GABRB3: variants seen among roughly 807,000 people sequenced by gnomAD.
The protein encoded by GABRB3 is gamma-aminobutyric acid receptor subunit beta-3.
GABRB3 carries 14 observed loss-of-function variants against 52.1 expected under a neutral mutation model. The ratio of observed to expected loss-of-function variants is 0.27; its 90% CI spans 0.18 to 0.42. The LOEUF is 0.42. Ranked by LOEUF, GABRB3 falls within the 10% of genes least tolerant of loss-of-function variation. The pLI is 1.00. For missense variants in GABRB3, 307 were observed against 609.1 expected (o/e 0.50, Z 5.22); for synonymous variants, 260 against 232.3 (o/e 1.12, Z -1.08).
intron 3 of GABRB3, among the ~76,000 whole-genome samples, chr15:26,763,639 C>CACACACACACACACACACACACACA (rs368390366): frequency 6.7e-6 from 1 of 148,274 alleles, no homozygotes; most frequent in Non-Finnish European, 1.5e-5. Flanking sequence ...CACACACACA[C>CACACACACACACACACACACACACA]CATGGAATAA....
chr15:26,688,186 C>T (rs565108762), intron 3 of GABRB3, among the ~76,000 whole-genome samples: 12 of 152,298 alleles, frequency 7.9e-5, no homozygotes, highest in African/African-American at 2.9e-4. Context: ...CTTTTTCTCC[C>T]TCCAAGTCCT....
At chr15:26,562,834 G>A (rs1468016621) in intron 7 of GABRB3, among the ~76,000 whole-genome samples, 1 of 64,864 alleles carries the variant, frequency 1.5e-5, no homozygotes, top group Non-Finnish European at 3.3e-5. Context: ...CTGAAGACTT[G>A]AGAAACTCTT....
chr15:26,711,890 A>G (rs1331704565), intron 3 of GABRB3, among the ~76,000 whole-genome samples: 2 of 152,252 alleles, frequency 1.3e-5, no homozygotes, highest in Non-Finnish European at 2.9e-5. Context: ...GAGGGACTGC[A>G]TGGAGAGGAA....
At chr15:26,597,886 T>C (rs1342682130) in intron 4 of GABRB3, among the ~76,000 whole-genome samples, 2 of 152,214 alleles carry the variant, frequency 1.3e-5, no homozygotes. Flanking sequence ...TAATTTATCA[T>C]ACTGGGTAGG....
intron 3 of GABRB3, among the ~76,000 whole-genome samples, chr15:26,650,900 C>T (rs12439992): frequency 0.53 from 80,254 of 151,858 alleles, 22,167 homozygotes; most frequent in East Asian, 0.95. Context: ...GGCCTGCCCT[C>T]CCTGTCCCCT....
intron 3 of GABRB3, among the ~76,000 whole-genome samples, chr15:26,718,096 G>C (rs1426890976): frequency 6.6e-6 from 1 of 152,332 alleles, no homozygotes; most frequent in African/African-American, 2.4e-5. Context: ...TCTGGAAGCT[G>C]TTGGTCCTGC....
chr15:26,551,397 T>G (rs1026430935), intron 8 of GABRB3, among the ~76,000 whole-genome samples: 4 of 152,200 alleles, frequency 2.6e-5, no homozygotes, highest in Middle Eastern at 3.2e-3. Context: ...CTGAAGCCCG[T>G]GAATAACTGC....
At chr15:26,671,152 A>G (rs1435621157) in intron 3 of GABRB3, among the ~76,000 whole-genome samples, 2 of 152,234 alleles carry the variant, frequency 1.3e-5, no homozygotes, top group African/African-American at 4.8e-5. Context: ...CAAGAAGAGA[A>G]ATAAGGCCTT....
At chr15:26,643,891 T>C (rs118155524) in intron 3 of GABRB3, among the ~76,000 whole-genome samples, 1,799 of 152,350 alleles carry the variant, frequency 0.012, 17 homozygotes, top group Admixed American at 0.018. Flanking sequence ...AGTACTTGTG[T>C]AGCACTTCCT....
At chr15:26,591,422 C>T (rs1189403014) in intron 4 of GABRB3, among the ~76,000 whole-genome samples, 2 of 152,196 alleles carry the variant, frequency 1.3e-5, no homozygotes, top group African/African-American at 2.4e-5. Context: ...AGCATAACTC[C>T]ACTACCATTT....
rs546992902 is a variant in GABRB3 at position 26,665,046 on chromosome 15, A to AT, written c.241-43513dup. ...ACATTCCAATTCTACTGTTACAGTT[A>AT]TTTTTTTAACATTTTAATGTATATT... is the stretch of plus-strand genomic sequence containing the variant. On this transcript the variant is annotated intron_variant, in intron 3 of 8. Transcript: ENST00000311550. 4.4e-3 allele frequency among the ~76,000 whole-genome samples: 667 copies of AT among 152,184 alleles called. 7 individuals carry two copies. The highest frequency in any genetic ancestry group is 0.015 in the African/African-American group (606 of 41,540).
chr15:26,748,828 C>T (rs562817365), intron 3 of GABRB3, among the ~76,000 whole-genome samples: 129 of 152,110 alleles, frequency 8.5e-4, no homozygotes, highest in African/African-American at 3.1e-3. Flanking sequence ...GAGTTTGAGA[C>T]CAGCCTTGCC....
chr15:26,559,419 AAC>A (rs928806399), intron 8 of GABRB3, among the ~76,000 whole-genome samples: 2 of 152,126 alleles, frequency 1.3e-5, no homozygotes, highest in African/African-American at 4.8e-5. Context: ...GAACCAATTA[AAC>A]CTCTTTTCTT....
intron 4 of GABRB3, among the ~76,000 whole-genome samples, chr15:26,618,547 T>C (rs998499421): frequency 6.6e-6 from 1 of 152,046 alleles, no homozygotes; most frequent in African/African-American, 2.4e-5. Context: ...ACGTTAGACC[T>C]AAAAACCATA....
chr15:26,617,203 A>C (rs1287528695), intron 4 of GABRB3, among the ~76,000 whole-genome samples: 2 of 152,194 alleles, frequency 1.3e-5, no homozygotes, highest in Non-Finnish European at 2.9e-5. Context: ...TCAATAGAAA[A>C]AGAGGGAATC....
intron 8 of GABRB3, among the ~76,000 whole-genome samples, chr15:26,554,158 AAAGTATATATATATAAAG>A (rs1567097335): frequency 3.6e-3 from 108 of 30,174 alleles, no homozygotes; most frequent in Non-Finnish European, 4.7e-3. Flanking sequence ...ATATATATAT[AAAGTATATATATATAAAG>A]TATATATATA....
intron 8 of GABRB3, among the ~76,000 whole-genome samples, chr15:26,556,510 T>C (rs997720022): frequency 1.3e-5 from 2 of 152,178 alleles, no homozygotes; most frequent in African/African-American, 2.4e-5. Flanking sequence ...ATTGGTCAAC[T>C]TGTAAAATAT....
At chr15:26,638,324 C>T (rs1315786932) in intron 3 of GABRB3, among the ~76,000 whole-genome samples, 5 of 152,160 alleles carry the variant, frequency 3.3e-5, no homozygotes, top group Admixed American at 2.0e-4. Context: ...CTGTGATACC[C>T]GCTCCTCTTG....
chr15:26,717,208 A>T (rs1452186382), intron 3 of GABRB3, among the ~76,000 whole-genome samples: 1 of 143,726 alleles, frequency 7.0e-6, no homozygotes, highest in African/African-American at 2.6e-5. Context: ...AGCTCTGGGG[A>T]CCTCCACTCA....
Sources: allele counts gnomAD v4.1 joint callset (sites outside exome capture counted in the v4.1 genomes callset), GRCh38; gene constraint gnomAD v4.1.1; transcripts MANE v1.5; gene names NCBI Gene and HGNC (gene_info 2026-07-23, HGNC 2026-07-21).